CEP85L: variants seen among roughly 807,000 people sequenced by gnomAD.
The protein encoded by CEP85L is centrosomal protein 85L.
Under a neutral mutation model 100.3 loss-of-function variants are expected in CEP85L, and 60 were observed. The observed-to-expected ratio is 0.60, with a 90% CI of 0.49 to 0.74. The LOEUF is 0.74. Ranked by LOEUF, CEP85L falls within the 30% of genes least tolerant of loss-of-function variation. The pLI, the probability that CEP85L is intolerant of heterozygous loss-of-function variation, is 0.00. For synonymous variants in CEP85L, 319 were observed against 322.7 expected (o/e 0.99, Z 0.12); for missense variants, 973 against 936.2 (o/e 1.04, Z -0.51).
intron 3 of CEP85L, among the ~76,000 whole-genome samples, chr6:118,542,917 A>AAAAAAAAAC (rs758286537): frequency 1.7e-4 from 26 of 150,048 alleles, no homozygotes; most frequent in Non-Finnish European, 3.6e-4. Flanking sequence ...AAAAAAAAAA[A>AAAAAAAAAC]AAAAAACAGG....
At chr6:118,655,571 C>G (rs1220217662), upstream of CEP85L, among the ~76,000 whole-genome samples, 1 of 152,178 alleles carries the variant, frequency 6.6e-6, no homozygotes, top group Non-Finnish European at 1.5e-5. Context: ...GACACTGGAA[C>G]AGTAAATAGA....
intron 2 of CEP85L, among the ~76,000 whole-genome samples, chr6:118,580,961 G>C (rs975282559): frequency 6.6e-6 from 1 of 152,080 alleles, no homozygotes. Flanking sequence ...GCATTTCCAG[G>C]TCTCTCTACC....
intron 5 of CEP85L, chr6:118,501,903 T>C (rs1228217840): frequency 1.3e-5 from 15 of 1,153,370 alleles, no homozygotes; most frequent in Non-Finnish European, 1.9e-5. Context: ...GACAAAGATA[T>C]GCTTTTAAGT....
chr6:118,604,290 A>G (rs760070610), intron 2 of CEP85L, among the ~76,000 whole-genome samples: 4 of 152,116 alleles, frequency 2.6e-5, no homozygotes, highest in African/African-American at 4.8e-5. Flanking sequence ...TCTAAGAAAA[A>G]CCTGTTGTGC....
intron 10 of CEP85L, among the ~76,000 whole-genome samples, chr6:118,472,321 C>CA (rs937033624): frequency 1.9e-4 from 29 of 152,094 alleles, no homozygotes; most frequent in African/African-American, 7.0e-4. Context: ...CCATTTATCA[C>CA]AAAAAGGAAA....
In CEP85L at chr6:118,476,231, C is replaced by T. The variant is rs1374313058; in HGVS notation, c.1914+3640G>A. Among the ~76,000 whole-genome samples the T allele has an allele frequency of 6.0e-5, 9 of 150,934 alleles. No individual in the cohort carries two copies. The South Asian group carries it at 1.7e-3, about 28-fold the overall frequency. The stretch of plus-strand genomic sequence containing the variant: ...CTATAACATGCATACAACAGATCTA[C>T]GTGAACAGTAAAGACTGTTCTCTTT... On this transcript the variant is annotated intron_variant, in intron 10 of 12. Transcript: ENST00000368491.
chr6:118,606,638 TA>T (rs1772241296), intron 2 of CEP85L, among the ~76,000 whole-genome samples: 1 of 152,216 alleles, frequency 6.6e-6, no homozygotes. Flanking sequence ...CCCAAGGACG[TA>T]AAACAAGGTG....
intron 5 of CEP85L, 57 bp downstream of exon 5, chr6:118,511,241 A>G (rs1226391922): frequency 1.0e-6 from 1 of 995,230 alleles, no homozygotes; most frequent in East Asian, 2.4e-5. Context: ...CAAGGTAAGT[A>G]TATTATTAAC....
intron 1 of CEP85L, among the ~76,000 whole-genome samples, chr6:118,636,162 T>C (rs956668770): frequency 7.2e-5 from 11 of 152,216 alleles, no homozygotes; most frequent in African/African-American, 2.7e-4. Context: ...CAATGAAACC[T>C]GGGGGCCAGT....
intron 1 of CEP85L, among the ~76,000 whole-genome samples, chr6:118,686,991 G>A (rs1776855617): frequency 6.6e-6 from 1 of 151,904 alleles, no homozygotes; most frequent in African/African-American, 2.4e-5. Flanking sequence ...ACTTTATCTC[G>A]TAACCACTTC....
intron 5 of CEP85L, among the ~76,000 whole-genome samples, chr6:118,500,086 A>C (rs1775180072): frequency 6.6e-6 from 1 of 152,132 alleles, no homozygotes; most frequent in African/African-American, 2.4e-5. Flanking sequence ...GGATCACTTG[A>C]GCCCAGAAGT....
intron 2 of CEP85L, among the ~76,000 whole-genome samples, chr6:118,618,111 T>C (rs1224642080): frequency 6.6e-6 from 1 of 152,114 alleles, no homozygotes; most frequent in Non-Finnish European, 1.5e-5. Flanking sequence ...GCTCAGCAAA[T>C]GTCATGGTCT....
At chr6:118,518,125 G>A (rs949063353) in intron 4 of CEP85L, among the ~76,000 whole-genome samples, 4 of 152,008 alleles carry the variant, frequency 2.6e-5, no homozygotes, top group South Asian at 2.1e-4. Context: ...TGCTGGATTC[G>A]GTTTTCCAGT....
chr6:118,691,007 A>G (rs1014021563), intron 1 of CEP85L, among the ~76,000 whole-genome samples: 2 of 152,004 alleles, frequency 1.3e-5, no homozygotes, highest in Non-Finnish European at 2.9e-5. Flanking sequence ...AGGAAAAAAA[A>G]AAAGAAAGAA....
chr6:118,552,972 C>A (rs1435355712), intron 3 of CEP85L, among the ~76,000 whole-genome samples: 1 of 151,886 alleles, frequency 6.6e-6, no homozygotes, highest in Non-Finnish European at 1.5e-5. Flanking sequence ...TAAATGAATA[C>A]CACTCTTGTG....
At chr6:118,509,432 G>A (rs1377156948) in intron 5 of CEP85L, among the ~76,000 whole-genome samples, 1 of 151,984 alleles carries the variant, frequency 6.6e-6, no homozygotes, top group Non-Finnish European at 1.5e-5. Flanking sequence ...TCATTATAAA[G>A]CCTTGCTATC....
chr6:118,647,134 A>G, intron 1 of CEP85L: 1 of 867,548 alleles, frequency 1.2e-6, no homozygotes, highest in African/African-American at 1.8e-5. Context: ...TCAGAACCAC[A>G]GCAGAAAACA....
intron 6 of CEP85L, among the ~76,000 whole-genome samples, chr6:118,485,899 T>G (rs1774146092): frequency 6.6e-6 from 1 of 152,220 alleles, no homozygotes; most frequent in South Asian, 2.1e-4. Context: ...TGGACTCAAC[T>G]GTCTAAATGT....
At chr6:118,466,141 T>C (rs549439053) in intron 12 of CEP85L, among the ~76,000 whole-genome samples, 1 of 152,320 alleles carries the variant, frequency 6.6e-6, no homozygotes, top group East Asian at 1.9e-4. Context: ...TGATAGCTGG[T>C]TGCCTAATGG....
Sources: gnomAD v4.1 joint callset for allele counts (sites outside exome capture counted in the v4.1 genomes callset) on GRCh38, gnomAD v4.1.1 for gene constraint, MANE v1.5 for transcripts, NCBI Gene and HGNC (gene_info 2026-07-23, HGNC 2026-07-21) for gene names.